Variants in EZH1 observed in about 807,000 individuals in gnomAD.
EZH1 encodes enhancer of zeste 1 polycomb repressive complex 2 subunit, also known as histone-lysine N-methyltransferase EZH1.
A neutral mutation model predicts 100.5 loss-of-function variants in EZH1; 33 were observed. The ratio of observed to expected loss-of-function variants is 0.33; its 90% CI spans 0.25 to 0.44. The LOEUF is 0.44. Among genes scored for constraint, EZH1 ranks in the 20% least tolerant of loss-of-function variants. EZH1 has a pLI of 1.00. For missense variants in EZH1, 475 were observed against 928.4 expected (o/e 0.51, Z 6.35); for synonymous variants, 272 against 313.8 (o/e 0.87, Z 1.41).
At position 42,743,316 on chromosome 17, in the gene EZH1, G is replaced by A. The variant is rs558932222; in HGVS notation, c.-103+1695C>T. Among the ~76,000 whole-genome samples, 7 of 151,768 alleles carry A rather than the reference G, an allele frequency of 4.6e-5. No individual in the cohort carries two copies. In the South Asian group the frequency reaches 6.2e-4, roughly 14 times the overall value. On this transcript the variant is annotated intron_variant, in intron 1 of 20. Transcript: ENST00000428826. ...CTCCCGAGTAGCTGGGACTACAGGC[G>A]TGTGCCACCACACCTGATTAATTTT...
intron 14 of EZH1, among the ~76,000 whole-genome samples, chr17:42,708,632 G>A (rs1006068495): frequency 2.0e-5 from 3 of 152,210 alleles, no homozygotes; most frequent in Non-Finnish European, 4.4e-5. Flanking sequence ...TCCAGCCTGG[G>A]TGACAGAGCG....
intron 2 of EZH1, chr17:42,729,318 G>T: frequency 1.1e-5 from 2 of 187,620 alleles, no homozygotes; most frequent in Non-Finnish European, 2.2e-5. Context: ...GATGTGGGAG[G>T]ACTGCTTGAG....
intron 11 of EZH1, 105 bp from the exon 12 acceptor site, chr17:42,712,590 C>T (rs1306398696): frequency 6.2e-5 from 70 of 1,130,056 alleles, no homozygotes; most frequent in Non-Finnish European, 8.0e-5. Context: ...AAAGGTAGAA[C>T]AGTTAGGAAT....
intron 5 of EZH1, 28 bp from the exon 6 acceptor site, chr17:42,722,943 C>A (rs1567997049): frequency 6.2e-7 from 1 of 1,605,352 alleles, no homozygotes; most frequent in Non-Finnish European, 8.5e-7. Context: ...GTGATTTATT[C>A]CATGAAGCCA....
intron 6 of EZH1, among the ~76,000 whole-genome samples, chr17:42,722,509 C>T (rs909356739): frequency 2.0e-5 from 3 of 151,192 alleles, no homozygotes; most frequent in Non-Finnish European, 4.4e-5. Flanking sequence ...CCTGTAGTCC[C>T]AGCTACTTGG....
intron 1 of EZH1, among the ~76,000 whole-genome samples, chr17:42,740,497 A>G (rs2054156888): frequency 6.6e-6 from 1 of 152,072 alleles, no homozygotes; most frequent in African/African-American, 2.4e-5. Context: ...CGGCCTCCCA[A>G]AGTGCTGGGA....
Position 42,714,910 on chromosome 17 carries a change from TATA to T in EZH1, c.1024-1524_1024-1522del, listed in dbSNP as rs1015197748. On this transcript the variant is annotated intron_variant, in intron 10 of 20. Transcript: ENST00000428826. ...TAATATATAATATGGAAATATATTA[TATA>T]ATTATATAATTTATATAAATATAAA... Among the ~76,000 whole-genome samples, 289 of 138,884 alleles carry T rather than the reference TATA, an allele frequency of 2.1e-3. 2 individuals are homozygous for T. The highest frequency in any genetic ancestry group is 0.013 in the Admixed American group (168 of 12,798). 91.1% of individuals were successfully genotyped at this position (138,884 alleles called of 152,430 possible).
At chr17:42,729,531 C>A (rs2053895600) in intron 2 of EZH1, among the ~76,000 whole-genome samples, 1 of 148,246 alleles carries the variant, frequency 6.7e-6, no homozygotes, top group African/African-American at 2.5e-5. Context: ...TAGTTCAAGA[C>A]TAGCCTGGCC....
In EZH1 at chr17:42,728,745, A is replaced by G. The variant is rs1166800689; in HGVS notation, c.117+80T>C. The stretch of plus-strand genomic sequence containing the variant: ...TGACAGAGTGAGACTCTGTCTCAAA[A>G]AAAAAAAAAAATTCCAACCCCTTTA... On this transcript the variant is annotated intron_variant, in intron 3 of 20. Transcript: ENST00000428826. The G allele has an allele frequency of 5.4e-6, 8 of 1,490,108 alleles. No homozygotes were observed. In the Middle Eastern group the frequency reaches 7.2e-4, roughly 134 times the overall value. 92.3% of individuals were successfully genotyped at this position (1,490,108 alleles called of 1,614,324 possible).
chr17:42,730,348 C>T lies in EZH1; in HGVS notation c.-12+480G>A, dbSNP rs79594019. Among the ~76,000 whole-genome samples the T allele has an allele frequency of 9.9e-3, 1,509 of 152,166 alleles. 12 individuals are homozygous for T. Among genetic ancestry groups the T allele is most frequent in the Non-Finnish European group, 0.016 (1,055 of 68,006 alleles). ...CCAAATGGTCTAAATTTACCACATG[C>T]CTAGTAATAAAAGTAGGATATGACA... On this transcript the variant is annotated intron_variant, in intron 2 of 20. Coordinates refer to ENST00000428826, the MANE Select transcript of EZH1 (RefSeq NM_001991.5).
At position 42,701,150 on chromosome 17, in the gene EZH1, C is replaced by G. The variant is rs893921983; in HGVS notation, c.*1382G>C. On this transcript the variant is annotated 3_prime_UTR_variant, in exon 21 of 21. Coordinates refer to ENST00000428826, the MANE Select transcript of EZH1 (RefSeq NM_001991.5). ...ATGAAATTCTTCTGTGTGAAACTCA[C>G]TCGTCTGCCTCTCCCAGGAGATGAG... 6.5e-6 allele frequency: 1 copy of G among 152,738 alleles called. No individual in the cohort carries two copies. Among genetic ancestry groups the G allele is most frequent in the African/African-American group, 2.4e-5 (1 of 41,462 alleles). The allele number at this position is 152,738 out of a possible 1,614,324, so 9.5% of individuals were successfully genotyped here.
intron 1 of EZH1, among the ~76,000 whole-genome samples, chr17:42,732,542 G>A (rs1295781494): frequency 6.6e-6 from 1 of 152,186 alleles, no homozygotes; most frequent in East Asian, 1.9e-4. Flanking sequence ...GCCGAGGCGG[G>A]CAGATGATGA....
At chr17:42,737,719 C>G (rs917522907) in intron 1 of EZH1, among the ~76,000 whole-genome samples, 2 of 151,962 alleles carry the variant, frequency 1.3e-5, no homozygotes, top group Admixed American at 1.3e-4. Flanking sequence ...AAATACGAAC[C>G]ACTTTATTTA....
chr17:42,744,939 C>T, intron 1 of EZH1, 72 bp downstream of exon 1: 2 of 1,246,214 alleles, frequency 1.6e-6, no homozygotes, highest in Non-Finnish European at 2.1e-6. Context: ...GCCTCTCCCT[C>T]CCTCAGGCCC....
chr17:42,711,705 C>T (rs1018288769), intron 12 of EZH1, among the ~76,000 whole-genome samples: 1 of 149,316 alleles, frequency 6.7e-6, no homozygotes, highest in Non-Finnish European at 1.5e-5. Context: ...TTGCTACTTG[C>T]TTGGCTGAGG....
intron 1 of EZH1, among the ~76,000 whole-genome samples, chr17:42,733,333 G>C (rs1180262568): frequency 7.6e-6 from 1 of 130,938 alleles, no homozygotes; most frequent in Non-Finnish European, 1.6e-5. Context: ...GCAAAACTCT[G>C]TCTCAAAAAA....
rs995524220 is a variant in EZH1, at chr17:42,706,727, A to T, written c.1661-542T>A. ...AAATGAAAAAAAAAGCAGGTATACT[A>T]ATAAGAAGTGTCCCCTAGAGATTCC... On this transcript the variant is annotated intron_variant, in intron 15 of 20. Coordinates refer to ENST00000428826, the MANE Select transcript of EZH1 (RefSeq NM_001991.5). This position sits in a 1 kb window ranked among gnomAD's most constrained non-coding sequence, Gnocchi z 4.4. Among the ~76,000 whole-genome samples the T allele has an allele frequency of 1.3e-5, 2 of 152,072 alleles. No homozygotes were observed. Among genetic ancestry groups the T allele is most frequent in the African/African-American group, 4.8e-5 (2 of 41,406 alleles).
At chr17:42,744,989 C>T in intron 1 of EZH1, 22 bp downstream of exon 1, 1 of 1,273,218 alleles carries the variant, frequency 7.9e-7, no homozygotes, top group Non-Finnish European at 1.0e-6. Context: ...ACCGCCCGGC[C>T]CAGGCTTGTT....
chr17:42,720,711 G>A (rs775063983), intron 6 of EZH1, among the ~76,000 whole-genome samples: 2 of 152,184 alleles, frequency 1.3e-5, no homozygotes, highest in South Asian at 2.1e-4. Context: ...CCAGGCTGGA[G>A]TGCAATGGCG....
Sources: gnomAD v4.1 joint callset for allele counts (sites outside exome capture counted in the v4.1 genomes callset) on GRCh38, gnomAD v4.1.1 for gene constraint, Gnocchi (gnomAD v3.1) non-coding constraint, MANE v1.5 for transcripts, NCBI Gene and HGNC (gene_info 2026-07-23, HGNC 2026-07-21) for gene names.